The following CDON variants were observed in gnomAD, a reference collection of about 807,000 sequenced individuals.
The protein encoded by CDON is cell adhesion associated, oncogene regulated, also known as cell adhesion molecule-related/down-regulated by oncogenes.
CDON carries 73 observed loss-of-function variants against 120.9 expected under a neutral mutation model. The ratio of observed to expected loss-of-function variants is 0.60; its 90% CI spans 0.50 to 0.73. CDON has a LOEUF of 0.73. Ranked by LOEUF, CDON falls within the 30% of genes least tolerant of loss-of-function variation. The probability of loss-of-function intolerance (pLI) is 0.00; values close to 1 mark genes in which losing one functional copy is unlikely to be tolerated. For missense variants in CDON, 1,470 were observed against 1,587.3 expected (o/e 0.93, Z 1.26); for synonymous variants, 566 against 573.5 (o/e 0.99, Z 0.19).
intron 10 of CDON, among the ~76,000 whole-genome samples, chr11:126,002,184 C>T (rs1326087170): frequency 6.6e-6 from 1 of 152,142 alleles, no homozygotes; most frequent in African/African-American, 2.4e-5. Flanking sequence ...TTTCTTAATT[C>T]TAAGCTATAA....
At chr11:125,962,071 A>G in intron 18 of CDON, 73 bp from the exon 19 acceptor site, 1 of 1,182,968 alleles carries the variant, frequency 8.5e-7, no homozygotes, top group Non-Finnish European at 1.3e-6. Flanking sequence ...CTATTCTGAA[A>G]TATCATTTGG....
chr11:125,981,154 G>C lies in CDON; in HGVS notation c.3171C>G (p.Val1057=). ...TTAGGCTCCCATTCACAATTCCATTGACTGCATTGGGGACCTTATGGTGAA... is the reference window on the plus strand; with the variant it reads ...TTAGGCTCCCATTCACAATTCCATTCACTGCATTGGGGACCTTATGGTGAA... ...SHLHHKVPNA[V]NGIVNGSLNG... Residue 1057 remains valine (V), a synonymous_variant, in exon 17 of 20, where the codon GTC becomes GTG. Transcript: ENST00000531738. 1 of 1,614,100 alleles carries C rather than the reference G, an allele frequency of 6.2e-7. No individual in the cohort carries two copies. Among genetic ancestry groups the C allele is most frequent in the Non-Finnish European group, 8.5e-7 (1 of 1,179,990 alleles).
At chr11:126,026,771 C>T (rs1383796540) in intron 1 of CDON, among the ~76,000 whole-genome samples, 1 of 152,136 alleles carries the variant, frequency 6.6e-6, no homozygotes, top group Non-Finnish European at 1.5e-5. Context: ...TCACTTGGTT[C>T]AAGGGTAAGA....
chr11:125,978,507 T>C, intron 17 of CDON, 124 bp from the exon 18 acceptor site: 1 of 709,518 alleles, frequency 1.4e-6, no homozygotes, highest in Non-Finnish European at 2.6e-6. Flanking sequence ...GCACACAGTA[T>C]ATTCTAACCA....
chr11:126,027,999 T>C (rs1203538979), intron 1 of CDON, among the ~76,000 whole-genome samples: 4 of 148,338 alleles, frequency 2.7e-5, no homozygotes, highest in Non-Finnish European at 3.0e-5. Context: ...ACTTTAGGGT[T>C]ACTTTTATTT....
chr11:126,015,045 TA>T (rs1565529577), intron 7 of CDON, 195 bp downstream of exon 7: 1 of 620,924 alleles, frequency 1.6e-6, no homozygotes, highest in Non-Finnish European at 2.8e-6. Context: ...AAACTTTTTT[TA>T]ATGAGCTTGA....
At chr11:126,043,560 C>T (rs184820092) in intron 1 of CDON, among the ~76,000 whole-genome samples, 272 of 152,268 alleles carry the variant, frequency 1.8e-3, no homozygotes, top group Non-Finnish European at 2.7e-3. Flanking sequence ...CTCAAACAAA[C>T]TTAAGGATAG....
At chr11:125,985,670 A>G (rs990605432) in intron 15 of CDON, among the ~76,000 whole-genome samples, 4 of 152,248 alleles carry the variant, frequency 2.6e-5, no homozygotes, top group Non-Finnish European at 4.4e-5. Context: ...ACAGAAGCAA[A>G]GCAGCTTTTT....
Position 126,005,948 on chromosome 11 carries a change from A to C in CDON, c.1662T>G (p.Phe554Leu). 1 of 1,614,108 alleles carries C rather than the reference A, an allele frequency of 6.2e-7. No homozygotes were observed. Among genetic ancestry groups the C allele is most frequent in the Non-Finnish European group, 8.5e-7 (1 of 1,180,010 alleles). The part of the protein sequence containing the change: ...DGSETGLLSS[F>L]PVKVHPSAVE... The stretch of plus-strand genomic sequence containing the variant: ...CTGCACTGGGATGGACCTTCACCGG[A>C]AATGAGCTCAGTAACCCAGTTTCTG... Residue 554 changes from phenylalanine (F) to leucine (L), a missense_variant, in exon 9 of 20, where the codon TTT (phenylalanine) becomes TTG (leucine). Coordinates refer to ENST00000531738, the MANE Select transcript of CDON (RefSeq NM_001378964.1).
In CDON at chr11:125,990,976, A is replaced by T. The variant is rs1213793963; in HGVS notation, c.2651-1217T>A. Among the ~76,000 whole-genome samples, 12 of 152,318 alleles carry T rather than the reference A, an allele frequency of 7.9e-5. No homozygotes were observed. In the East Asian group the frequency reaches 1.5e-3, roughly 20 times the overall value. On this transcript the variant is annotated intron_variant, in intron 14 of 19. Coordinates refer to ENST00000531738, the MANE Select transcript of CDON (RefSeq NM_001378964.1). ...TGAAAATGGAATAGATCTGTCTCTG[A>T]AATCCAAAGGCTTTCCAAAAAACTT...
intron 18 of CDON, among the ~76,000 whole-genome samples, chr11:125,967,563 A>G (rs1945841545): frequency 6.6e-6 from 1 of 152,162 alleles, no homozygotes; most frequent in South Asian, 2.1e-4. Context: ...AAATCCCTCA[A>G]CAGTGATGGC....
intron 19 of CDON, 54 bp from the exon 20 acceptor site, chr11:125,961,159 C>G: frequency 1.3e-6 from 2 of 1,535,476 alleles, no homozygotes; most frequent in Middle Eastern, 1.7e-4. Flanking sequence ...CTGATTTTTA[C>G]AAAGCAGTCT....
chr11:126,004,778 C>T (rs974891026), intron 9 of CDON, among the ~76,000 whole-genome samples: 3 of 152,062 alleles, frequency 2.0e-5, no homozygotes, highest in Admixed American at 6.6e-5. Context: ...AAAAACATTA[C>T]CATTCAACAA....
intron 14 of CDON, among the ~76,000 whole-genome samples, chr11:125,990,811 C>T (rs1376301845): frequency 6.6e-6 from 1 of 152,144 alleles, no homozygotes; most frequent in Non-Finnish European, 1.5e-5. Flanking sequence ...AAACCCTTCA[C>T]TTGTACAGAC....
In CDON at chr11:126,027,850, C is replaced by T. The variant is rs558084373; in HGVS notation, c.-61-4313G>A. Among the ~76,000 whole-genome samples, 24 of 152,222 alleles carry T rather than the reference C, an allele frequency of 1.6e-4. No homozygotes were observed. The South Asian group carries it at 4.6e-3, about 29-fold the overall frequency. ...TAACATGGGCACATTACTTGCCAAACGTGCTTAACCTCTGTTCTAGTGAAC... is the reference window on the plus strand; with the variant it reads ...TAACATGGGCACATTACTTGCCAAATGTGCTTAACCTCTGTTCTAGTGAAC... On this transcript the variant is annotated intron_variant, in intron 1 of 19. Coordinates refer to ENST00000531738, the MANE Select transcript of CDON (RefSeq NM_001378964.1).
intron 15 of CDON, 152 bp from the exon 16 acceptor site, chr11:125,984,245 G>T: frequency 1.5e-6 from 1 of 656,340 alleles, no homozygotes; most frequent in Non-Finnish European, 2.7e-6. Context: ...CACAAAGAGG[G>T]CTCCAAAGTT....
chr11:126,048,706 T>A (rs1349159712), intron 1 of CDON, among the ~76,000 whole-genome samples: 2 of 152,180 alleles, frequency 1.3e-5, no homozygotes, highest in African/African-American at 4.8e-5. Context: ...TTTAGTTATT[T>A]TTTTTTTCTT....
chr11:126,030,529 T>C (rs1947916132), intron 1 of CDON, among the ~76,000 whole-genome samples: 1 of 152,216 alleles, frequency 6.6e-6, no homozygotes, highest in Non-Finnish European at 1.5e-5. Context: ...TAGGAAATTA[T>C]TTAAGTTAGA....
rs540930978 is a variant in CDON, at chr11:126,032,286, C to T, written c.-61-8749G>A. On this transcript the variant is annotated intron_variant, in intron 1 of 19. Coordinates refer to ENST00000531738, the MANE Select transcript of CDON (RefSeq NM_001378964.1). ...CTGACTAGGTGAAATCAGAGGGATA[C>T]GTTTGGGGGATGGAGTAGAGGAAGG... Among the ~76,000 whole-genome samples, 47 of 151,638 alleles carry T rather than the reference C, an allele frequency of 3.1e-4. 1 individual carries two copies. Among genetic ancestry groups the T allele is most frequent in the African/African-American group, 1.1e-3 (46 of 41,338 alleles).
Sources: allele counts gnomAD v4.1 joint callset (sites outside exome capture counted in the v4.1 genomes callset), GRCh38; gene constraint gnomAD v4.1.1; transcripts MANE v1.5; gene names NCBI Gene and HGNC (gene_info 2026-07-23, HGNC 2026-07-21).